CIMIP4: variants seen among roughly 807,000 people sequenced by gnomAD.
CIMIP4 encodes the protein protein EAN57.
the CIMIP4 span, among the ~76,000 whole-genome samples, chr22:37,006,386 C>T: frequency 1.3e-5 from 2 of 152,182 alleles, no homozygotes; most frequent in African/African-American, 2.4e-5. Flanking sequence ...ATTTCAAAAC[C>T]GCTATGGAAC....
chr22:36,999,986 T>C, the CIMIP4 span: 2 of 1,608,430 alleles, frequency 1.2e-6, no homozygotes, highest in Non-Finnish European at 1.7e-6. Context: ...CTTTTGAGCC[T>C]GAGCAGGGAG....
the CIMIP4 span, among the ~76,000 whole-genome samples, chr22:37,006,519 A>G: frequency 2.0e-5 from 3 of 152,356 alleles, no homozygotes; most frequent in Admixed American, 6.5e-5. Flanking sequence ...TCACAGATCT[A>G]TGATGGGGAA....
chr22:36,994,731 C>T, the CIMIP4 span, among the ~76,000 whole-genome samples: 4 of 150,958 alleles, frequency 2.6e-5, no homozygotes, highest in East Asian at 5.9e-4. Flanking sequence ...CCCGGGTTCA[C>T]GCCATTCTCC....
At chr22:36,998,806 C>T in the CIMIP4 span, among the ~76,000 whole-genome samples, 17,687 of 152,110 alleles carry the variant, frequency 0.12, 1,295 homozygotes, top group African/African-American at 0.2. Flanking sequence ...TCCTTTCTTC[C>T]CAGGTGGCGC....
chr22:37,001,701 G>A, the CIMIP4 span: 1 of 914,872 alleles, frequency 1.1e-6, no homozygotes, highest in Non-Finnish European at 1.6e-6. Flanking sequence ...AGTGCACAGT[G>A]TTTGGCACAC....
chr22:36,993,898 A>G, the CIMIP4 span, among the ~76,000 whole-genome samples: 3 of 152,222 alleles, frequency 2.0e-5, no homozygotes, highest in African/African-American at 7.2e-5. Context: ...TTTTCCAGGT[A>G]TGTATCATTG....
the CIMIP4 span, among the ~76,000 whole-genome samples, chr22:37,006,561 C>T: frequency 2.0e-5 from 3 of 152,190 alleles, no homozygotes; most frequent in African/African-American, 7.2e-5. Flanking sequence ...ACTTAAGGAA[C>T]GACACTGGAG....
chr22:36,999,582 G>GGGGGGAGGGGA, the CIMIP4 span, among the ~76,000 whole-genome samples: 1 of 64,148 alleles, frequency 1.6e-5, no homozygotes, highest in African/African-American at 9.3e-5. Flanking sequence ...GGGGAGGGGA[G>GGGGGGAGGGGA]GGGGGGATGG....
the CIMIP4 span, among the ~76,000 whole-genome samples, chr22:36,995,571 T>C: frequency 6.6e-6 from 1 of 152,152 alleles, no homozygotes; most frequent in Admixed American, 6.5e-5. Flanking sequence ...GCCATGCCAA[T>C]ACTCTCCCCA....
chr22:37,003,751 C>A, the CIMIP4 span, among the ~76,000 whole-genome samples: 1 of 152,214 alleles, frequency 6.6e-6, no homozygotes, highest in African/African-American at 2.4e-5. Flanking sequence ...ATAATCCCTG[C>A]ACATGGCAGG....
At chr22:37,001,621 G>A in the CIMIP4 span, among the ~76,000 whole-genome samples, 2 of 152,184 alleles carry the variant, frequency 1.3e-5, no homozygotes, top group Non-Finnish European at 2.9e-5. Context: ...TATAAAATGA[G>A]GACAATAATA....
the CIMIP4 span, among the ~76,000 whole-genome samples, chr22:36,996,299 T>C: frequency 6.6e-6 from 1 of 152,080 alleles, no homozygotes; most frequent in Non-Finnish European, 1.5e-5. Flanking sequence ...AATAACTAAT[T>C]ACTGGAATTA....
chr22:36,991,125 T>C, the CIMIP4 span: 2 of 1,557,382 alleles, frequency 1.3e-6, no homozygotes, highest in African/African-American at 2.7e-5. Context: ...GACCTGAGCC[T>C]TTCCTTATTG....
the CIMIP4 span, chr22:37,002,181 G>C: frequency 6.7e-7 from 1 of 1,493,856 alleles, no homozygotes. Flanking sequence ...AGGGGCTGTG[G>C]GGATGACAGA....
At chr22:37,006,530 G>T in the CIMIP4 span, among the ~76,000 whole-genome samples, 16 of 152,352 alleles carry the variant, frequency 1.1e-4, no homozygotes, top group African/African-American at 3.4e-4. Context: ...TGATGGGGAA[G>T]AATTGAATCT....
the CIMIP4 span, chr22:37,002,360 G>A: frequency 4.3e-6 from 2 of 460,558 alleles, no homozygotes; most frequent in Non-Finnish European, 6.1e-6. Context: ...GACAAGGGCA[G>A]AAAGTAGAGG....
chr22:36,991,187 T>G, the CIMIP4 span: 1 of 1,614,090 alleles, frequency 6.2e-7, no homozygotes. Context: ...AACTAGTACT[T>G]GGAGCTCTTG....
At chr22:36,992,669 C>T in the CIMIP4 span, among the ~76,000 whole-genome samples, 2 of 152,084 alleles carry the variant, frequency 1.3e-5, no homozygotes. Context: ...AAGTTCTCTT[C>T]TTTTCCATAA....
chr22:37,002,272 A>G, the CIMIP4 span: 3 of 1,438,692 alleles, frequency 2.1e-6, no homozygotes, highest in East Asian at 7.7e-5. Flanking sequence ...CCTCCTTGTC[A>G]TTCAGATGGG....
Sources: gnomAD v4.1 joint callset for allele counts (sites outside exome capture counted in the v4.1 genomes callset) on GRCh38, gnomAD v4.1.1 for gene constraint, MANE v1.5 for transcripts, NCBI Gene and HGNC (gene_info 2026-07-23, HGNC 2026-07-21) for gene names.